The following RUNX2 variants were observed in gnomAD, a reference collection of about 807,000 sequenced individuals.
The protein encoded by RUNX2 is runt-related transcription factor 2.
Under a neutral mutation model 51.7 loss-of-function variants are expected in RUNX2, and 10 were observed. The observed-to-expected ratio is 0.19, with a 90% CI of 0.12 to 0.33. RUNX2 has a LOEUF of 0.33. Ranked by LOEUF, RUNX2 falls within the 10% of genes least tolerant of loss-of-function variation. RUNX2 has a pLI of 1.00. For missense variants in RUNX2, 562 were observed against 691.3 expected (o/e 0.81, Z 2.10); for synonymous variants, 276 against 273.6 (o/e 1.01, Z -0.09).
chr6:45,454,817 G>A (rs909713447), intron 5 of RUNX2, among the ~76,000 whole-genome samples: 1 of 152,078 alleles, frequency 6.6e-6, no homozygotes, highest in Non-Finnish European at 1.5e-5. Context: ...TTCACTTCAG[G>A]AAAACACAGT....
chr6:45,340,329 C>A (rs1042929437), intron 2 of RUNX2, among the ~76,000 whole-genome samples: 1 of 151,568 alleles, frequency 6.6e-6, no homozygotes, highest in Non-Finnish European at 1.5e-5. Context: ...TTTGTTAAGC[C>A]CCCTTCCCCC....
chr6:45,485,716 T>TATATATATATATATATATATATAC (rs1554394671), intron 5 of RUNX2, among the ~76,000 whole-genome samples: 28 of 126,486 alleles, frequency 2.2e-4, no homozygotes, highest in Non-Finnish European at 3.1e-4. Context: ...TATATATATA[T>TATATATATATATATATATATATAC]ACACATATTT....
chr6:45,513,733 C>T (rs1801234325), intron 7 of RUNX2: 1 of 152,136 alleles, frequency 6.6e-6, no homozygotes, highest in South Asian at 2.1e-4. Flanking sequence ...CATTATGACT[C>T]CTGTTATCAT....
At chr6:45,483,220 T>C (rs1800164846) in intron 5 of RUNX2, among the ~76,000 whole-genome samples, 1 of 152,206 alleles carries the variant, frequency 6.6e-6, no homozygotes, top group South Asian at 2.1e-4. Flanking sequence ...ATTTCATTAT[T>C]CTAGTCCAGA....
At chr6:45,360,420 G>C (rs16873364) in intron 2 of RUNX2, among the ~76,000 whole-genome samples, 19,643 of 151,922 alleles carry the variant, frequency 0.13, 1,423 homozygotes, top group East Asian at 0.26. Flanking sequence ...TTACCTTCAG[G>C]GTTTTTCTTT....
intron 6 of RUNX2, among the ~76,000 whole-genome samples, chr6:45,501,181 G>T (rs1234278301): frequency 6.6e-6 from 1 of 152,158 alleles, no homozygotes; most frequent in African/African-American, 2.4e-5. Flanking sequence ...AACACAATCC[G>T]CTAGCTATGC....
chr6:45,514,697 G>A (rs1294817960), intron 7 of RUNX2, among the ~76,000 whole-genome samples: 3 of 152,144 alleles, frequency 2.0e-5, no homozygotes, highest in Non-Finnish European at 4.4e-5. Flanking sequence ...GGCTGTGCCT[G>A]CACACCCAAG....
chr6:45,330,979 C>G (rs1173228865), intron 2 of RUNX2, among the ~76,000 whole-genome samples: 1 of 151,894 alleles, frequency 6.6e-6, no homozygotes, highest in African/African-American at 2.4e-5. Flanking sequence ...TTATCACCAC[C>G]ACCTAATGAA....
In RUNX2 at chr6:45,363,029, A is replaced by G. The variant is rs952584390; in HGVS notation, c.58+34245A>G. 9.2e-5 allele frequency among the ~76,000 whole-genome samples: 14 copies of G among 151,758 alleles called. 1 individual carries two copies. In the South Asian group the frequency reaches 2.5e-3, roughly 27 times the overall value. On this transcript the variant is annotated intron_variant, in intron 2 of 8. Transcript: ENST00000647337. The stretch of plus-strand genomic sequence containing the variant: ...ACATAGGTTTTTTATTTTTATTTTT[A>G]ATTTTTGTAGTCTTCTTCTTAAAGG...
At chr6:45,483,287 G>A (rs1166649095) in intron 5 of RUNX2, among the ~76,000 whole-genome samples, 1 of 151,964 alleles carries the variant, frequency 6.6e-6, no homozygotes, top group Non-Finnish European at 1.5e-5. Context: ...TGACGCAGCA[G>A]CCTTTCCCAG....
Position 45,547,187 on chromosome 6 carries a change from T to G in RUNX2, c.1448T>G (p.Leu483Ter). 1 of 1,614,178 alleles carries G rather than the reference T, an allele frequency of 6.2e-7. No individual in the cohort carries two copies. Among genetic ancestry groups the G allele is most frequent in the South Asian group, 1.1e-5 (1 of 91,080 alleles). Residue 483 changes from leucine (L) to a stop codon, truncating the protein, a stop_gained, in exon 9 of 9, where the codon TTA becomes TGA. Transcript: ENST00000647337. LOFTEE classifies it high-confidence loss of function. ...CTTTSNGSTL[L>*]NPNLPNQNDG... ...ACCACCTCGAATGGCAGCACGCTAT[T>G]AAATCCAAATTTGCCTAACCAGAAT...
At chr6:45,511,147 A>C (rs1387532404) in intron 6 of RUNX2, among the ~76,000 whole-genome samples, 1 of 152,240 alleles carries the variant, frequency 6.6e-6, no homozygotes, top group African/African-American at 2.4e-5. Context: ...AGTTTGAAAT[A>C]CATACTTTTT....
intron 7 of RUNX2, among the ~76,000 whole-genome samples, chr6:45,518,311 C>G (rs574501075): frequency 6.6e-6 from 1 of 152,144 alleles, no homozygotes; most frequent in Non-Finnish European, 1.5e-5. Context: ...ATTGAATGTT[C>G]CGTATTCTTC....
intron 2 of RUNX2, among the ~76,000 whole-genome samples, chr6:45,373,470 T>C (rs1183099620): frequency 2.6e-5 from 4 of 152,042 alleles, no homozygotes; most frequent in Admixed American, 6.6e-5. Flanking sequence ...TTAGCAGTAG[T>C]ATGGGGTTGT....
At chr6:45,395,319 A>G (rs930524659) in intron 2 of RUNX2, among the ~76,000 whole-genome samples, 1 of 152,178 alleles carries the variant, frequency 6.6e-6, no homozygotes, top group African/African-American at 2.4e-5. Flanking sequence ...GAAATAATTG[A>G]TGACTATTAG....
intron 7 of RUNX2, among the ~76,000 whole-genome samples, chr6:45,542,592 T>C (rs779884893): frequency 8.5e-5 from 13 of 152,180 alleles, no homozygotes; most frequent in Non-Finnish European, 1.2e-4. Flanking sequence ...ATTTAGCAGA[T>C]TAGATCAACA....
chr6:45,448,429 A>G (rs927629122), intron 5 of RUNX2, among the ~76,000 whole-genome samples: 1 of 152,152 alleles, frequency 6.6e-6, no homozygotes, highest in African/African-American at 2.4e-5. Context: ...GGGTAAACGA[A>G]TCAACGAATT....
Position 45,422,700 on chromosome 6 carries a change from C to T in RUNX2, c.166C>T (p.Gln56Ter), listed in dbSNP as rs1393672497. The change falls in exon 3 of 9, where the codon CAG becomes TAG. Residue 56 changes from glutamine to a stop codon, truncating the protein, a stop_gained. Transcript: ENST00000647337. LOFTEE classifies it high-confidence loss of function. ...VAAQQQQQQQQQQQQQQQQQQ... is the reference protein window; with the variant it reads ...VAAQQQQQQQ ...TGCGCAACAGCAGCAGCAACAGCAG[C>T]AGCAGCAACAGCAGCAGCAGCAGCA... is the stretch of plus-strand genomic sequence containing the variant. The T allele has an allele frequency of 6.3e-7, 1 of 1,596,350 alleles. No individual in the cohort carries two copies. The highest frequency in any genetic ancestry group is 8.5e-7 in the Non-Finnish European group (1 of 1,171,496).
At chr6:45,496,287 G>T (rs560846891) in intron 6 of RUNX2, among the ~76,000 whole-genome samples, 1 of 152,208 alleles carries the variant, frequency 6.6e-6, no homozygotes, top group South Asian at 2.1e-4. Context: ...TAGGGTGGGG[G>T]ATGTACTGCT....
Sources: allele counts gnomAD v4.1 joint callset (sites outside exome capture counted in the v4.1 genomes callset), GRCh38; gene constraint gnomAD v4.1.1; transcripts MANE v1.5; gene names NCBI Gene and HGNC (gene_info 2026-07-23, HGNC 2026-07-21).